The following DRD2 variants were observed in gnomAD, a reference collection of about 807,000 sequenced individuals.
The protein encoded by DRD2 is D(2) dopamine receptor.
DRD2 carries 8 observed loss-of-function variants against 38.0 expected under a neutral mutation model. The observed-to-expected ratio is 0.21, with a 90% CI of 0.12 to 0.38. DRD2 has a LOEUF of 0.38. Ranked by LOEUF, DRD2 falls within the 10% of genes least tolerant of loss-of-function variation. The pLI is 1.00. For missense variants in DRD2, 403 were observed against 607.7 expected (o/e 0.66, Z 3.54); for synonymous variants, 230 against 238.6 (o/e 0.96, Z 0.33).
intron 5 of DRD2, 31 bp downstream of exon 5, chr11:113,415,390 C>G (rs757536778): frequency 6.3e-7 from 1 of 1,595,280 alleles, no homozygotes; most frequent in Non-Finnish European, 8.5e-7. Flanking sequence ...AGGTGGGGAC[C>G]CTTGGAGTTG....
Position 113,415,484 on chromosome 11 carries a change from G to T in DRD2, c.660C>A (p.Arg220=). ...IKIYIVLRRR[R]KRVNTKRSSR... ...TGCTGCGTTTGGTGTTGACTCGCTT[G>T]CGGCGTCTGCGGAGGACAATGTAGA... The change falls in exon 5 of 8, where the codon CGC becomes CGA. Residue 220 remains arginine, a synonymous_variant. Transcript: ENST00000362072. 1 of 1,614,198 alleles carries T rather than the reference G, an allele frequency of 6.2e-7. No homozygotes were observed. Among genetic ancestry groups the T allele is most frequent in the Non-Finnish European group, 8.5e-7 (1 of 1,180,030 alleles).
chr11:113,460,006 G>A (rs1366244476), intron 1 of DRD2, among the ~76,000 whole-genome samples: 1 of 152,220 alleles, frequency 6.6e-6, no homozygotes, highest in East Asian at 1.9e-4. Context: ...TGTGGGTCTG[G>A]GAAGAAAGAA....
At position 113,416,920 on chromosome 11, in the gene DRD2, C is replaced by T. The variant is rs1280887427; in HGVS notation, c.475G>A (p.Val159Ile). 5.0e-6 allele frequency: 8 copies of T among 1,614,086 alleles called. No individual in the cohort carries two copies. The highest frequency in any genetic ancestry group is 2.2e-5 in the South Asian group (2 of 91,078). ...KRRVTVMISIVWVLSFTISCP... is the reference protein window; with the variant it reads ...KRRVTVMISIIWVLSFTISCP... ...GAGATGGTGAAGGACAGGACCCAGA[C>T]GATGGAGATCATGACGGTGACCCGG... Residue 159 changes from valine to isoleucine, a missense_variant, in exon 4 of 8, where the codon GTC becomes ATC. Transcript: ENST00000362072.
chr11:113,468,526 G>GTTTTTTTTT (rs1565681194), intron 1 of DRD2, among the ~76,000 whole-genome samples: 1 of 151,232 alleles, frequency 6.6e-6, no homozygotes. Flanking sequence ...CATTGATCAG[G>GTTTTTTTTT]GTTTTTTTTG....
chr11:113,414,904 C>T (rs1950810320), intron 5 of DRD2, among the ~76,000 whole-genome samples: 1 of 152,170 alleles, frequency 6.6e-6, no homozygotes, highest in Non-Finnish European at 1.5e-5. Context: ...TCCTTCTGTG[C>T]CCACACACTG....
intron 5 of DRD2, 41 bp from the exon 6 acceptor site, chr11:113,414,502 GGATGGAGGGGGGACA>G (rs1950802882): frequency 6.2e-7 from 1 of 1,610,054 alleles, no homozygotes; most frequent in African/African-American, 1.3e-5. Context: ...AAAGTGGTGG[GGATGGAGGGGGGACA>G]GAAACCCAAA....
intron 1 of DRD2, among the ~76,000 whole-genome samples, chr11:113,460,655 A>ATGTGCCCCTGTCCCTGCCCT (rs1951308934): frequency 6.6e-6 from 1 of 152,180 alleles, no homozygotes; most frequent in Non-Finnish European, 1.5e-5. Context: ...TGCTGGCCAC[A>ATGTGCCCCTGTCCCTGCCCT]TGTGCCCCTG....
intron 2 of DRD2, among the ~76,000 whole-genome samples, chr11:113,418,690 T>A (rs1950852067): frequency 6.6e-6 from 1 of 152,122 alleles, no homozygotes; most frequent in Non-Finnish European, 1.5e-5. Context: ...AAGACAATAT[T>A]TCCCCTGTCC....
intron 1 of DRD2, among the ~76,000 whole-genome samples, chr11:113,442,941 G>A (rs763983870): frequency 1.3e-5 from 2 of 152,146 alleles, no homozygotes; most frequent in Admixed American, 6.5e-5. Context: ...GGGAAGGCTG[G>A]TTCTGTCCCC....
chr11:113,460,591 G>A (rs1175762804), intron 1 of DRD2, among the ~76,000 whole-genome samples: 4 of 152,240 alleles, frequency 2.6e-5, no homozygotes, highest in African/African-American at 9.6e-5. Flanking sequence ...AGGCTTTGGG[G>A]CAGGCACCCT....
intron 1 of DRD2, among the ~76,000 whole-genome samples, chr11:113,455,026 T>C (rs1951255258): frequency 6.6e-6 from 1 of 152,052 alleles, no homozygotes; most frequent in Admixed American, 6.6e-5. Context: ...GTAAAACTAC[T>C]AGAAGAAAAT....
Position 113,457,005 on chromosome 11 carries a change from C to T in DRD2, c.-32+18071G>A, listed in dbSNP as rs1241200164. Among the ~76,000 whole-genome samples the T allele has an allele frequency of 3.3e-5, 5 of 152,132 alleles. No homozygotes were observed. In the East Asian group the frequency reaches 7.7e-4, roughly 23 times the overall value. On this transcript the variant is annotated intron_variant, in intron 1 of 7. Transcript: ENST00000362072. Reference sequence around the variant, plus strand: ...GGAATGAATGGACCCCTGGGCTCACCGTGGGCCTCCATGTGCAGCATTTGA... The same window carrying T: ...GGAATGAATGGACCCCTGGGCTCACTGTGGGCCTCCATGTGCAGCATTTGA...
At position 113,419,169 on chromosome 11, in the gene DRD2, A is replaced by C. The variant is rs568738790; in HGVS notation, c.286-1033T>G. Among the ~76,000 whole-genome samples, 374 of 152,306 alleles carry C rather than the reference A, an allele frequency of 2.5e-3. 2 individuals carry two copies. The highest frequency in any genetic ancestry group is 8.5e-3 in the African/African-American group (352 of 41,576). On this transcript the variant is annotated intron_variant, in intron 2 of 7. Transcript: ENST00000362072. ...TCTGGCTGAGCCAGGCAAGCCCTTC[A>C]GTGGTTGGCCCAGTACATGGCAGAG...
intron 1 of DRD2, among the ~76,000 whole-genome samples, chr11:113,460,328 C>T (rs549537853): frequency 9.8e-5 from 15 of 152,334 alleles, no homozygotes; most frequent in African/African-American, 3.6e-4. Context: ...AGGGACTGGG[C>T]AGGACAGGGA....
chr11:113,438,828 T>C (rs1444283554), intron 1 of DRD2, among the ~76,000 whole-genome samples: 1 of 152,230 alleles, frequency 6.6e-6, no homozygotes, highest in East Asian at 1.9e-4. Context: ...TGATAAGGCT[T>C]GGCAGACTCT....
intron 1 of DRD2, among the ~76,000 whole-genome samples, chr11:113,433,650 T>A (rs1951009727): frequency 6.6e-6 from 1 of 152,176 alleles, no homozygotes; most frequent in African/African-American, 2.4e-5. Flanking sequence ...CAGGGAACAT[T>A]GTCTAGGTTT....
chr11:113,432,154 G>A (rs1383530549), intron 1 of DRD2, among the ~76,000 whole-genome samples: 1 of 152,212 alleles, frequency 6.6e-6, no homozygotes, highest in East Asian at 1.9e-4. Context: ...GAGAAACTTG[G>A]AAGGTGTAGC....
intron 1 of DRD2, among the ~76,000 whole-genome samples, chr11:113,427,381 C>T (rs1336635357): frequency 6.6e-6 from 1 of 152,134 alleles, no homozygotes; most frequent in Non-Finnish European, 1.5e-5. Flanking sequence ...CACCCACCCT[C>T]CTCAGGGTCC....
chr11:113,462,436 C>T (rs1459844201), intron 1 of DRD2, among the ~76,000 whole-genome samples: 1 of 152,140 alleles, frequency 6.6e-6, no homozygotes, highest in Non-Finnish European at 1.5e-5. Context: ...CTGGTGTACC[C>T]TTATAAGAAG....
Sources: allele counts gnomAD v4.1 joint callset (sites outside exome capture counted in the v4.1 genomes callset), GRCh38; gene constraint gnomAD v4.1.1; transcripts MANE v1.5; gene names NCBI Gene and HGNC (gene_info 2026-07-23, HGNC 2026-07-21).